TUBGCP4: variants seen among roughly 807,000 people sequenced by gnomAD.
TUBGCP4 encodes the protein gamma-tubulin complex component 4.
Under a neutral mutation model 91.6 loss-of-function variants are expected in TUBGCP4, and 54 were observed. That is an observed-to-expected ratio of 0.59 (90% CI 0.47 to 0.74). The LOEUF (loss-of-function observed/expected upper bound fraction) is 0.74, where lower values mean the gene tolerates loss of function less well. Ranked by LOEUF, TUBGCP4 falls within the 30% of genes least tolerant of loss-of-function variation. The pLI is 0.00. For missense variants in TUBGCP4, 593 were observed against 800.9 expected, an observed-to-expected ratio of 0.74 and a Z score of 3.13; for synonymous variants, 297 against 302.8, an observed-to-expected ratio of 0.98 and a Z score of 0.20.
At chr15:43,385,360 C>G (rs2044339390) in intron 7 of TUBGCP4, 1 of 456,200 alleles carries the variant, frequency 2.2e-6, no homozygotes. Flanking sequence ...ATCTGTTACA[C>G]TGATCAGTCA....
chr15:43,407,826 C>T lies in TUBGCP4; in HGVS notation c.*2612C>T. 2.7e-6 allele frequency: 3 copies of T among 1,110,942 alleles called. No individual in the cohort carries two copies. Among genetic ancestry groups the T allele is most frequent in the Non-Finnish European group, 2.6e-6 (2 of 780,042 alleles). 68.8% of individuals were successfully genotyped at this position (1,110,942 alleles called of 1,614,324 possible). On this transcript the variant is annotated 3_prime_UTR_variant, in exon 18 of 18. Transcript: ENST00000564079. ...CTCTTGAAGGTGGTACTTTTCTTCTCTAAGAAACATGGATACGGTCAACCT... is the reference window on the plus strand; with the variant it reads ...CTCTTGAAGGTGGTACTTTTCTTCTTTAAGAAACATGGATACGGTCAACCT...
intron 6 of TUBGCP4, among the ~76,000 whole-genome samples, chr15:43,383,050 C>T (rs1393148659): frequency 6.6e-6 from 1 of 152,026 alleles, no homozygotes; most frequent in East Asian, 1.9e-4. Context: ...TTGAAAATTA[C>T]ATAAAAGAAG....
chr15:43,386,262 C>G lies in TUBGCP4; in HGVS notation c.946C>G (p.Gln316Glu). The part of the protein sequence containing the change: ...TFAAELHRLK[Q>E]QPLFSLVDFE... ...TGCTGCAGAGCTGCACCGTCTCAAG[C>G]AGCAGCCACTCTTCAGCTTGGTGGA... Residue 316 changes from glutamine to glutamate, a missense_variant, in exon 9 of 18, where the codon CAG (glutamine) becomes GAG (glutamate). Transcript: ENST00000564079. 1 of 1,601,838 alleles carries G rather than the reference C, an allele frequency of 6.2e-7. No individual in the cohort carries two copies. The highest frequency in any genetic ancestry group is 8.5e-7 in the Non-Finnish European group (1 of 1,175,964).
rs2142800769 is a variant in TUBGCP4 at position 43,383,516 on chromosome 15, A to G, written c.723+12A>G. 6.3e-7 allele frequency: 1 copy of G among 1,586,140 alleles called. No individual in the cohort carries two copies. The highest frequency in any genetic ancestry group is 8.6e-7 in the Non-Finnish European group (1 of 1,167,788). On this transcript the variant is annotated intron_variant, in intron 7 of 17. Coordinates refer to ENST00000564079, the MANE Select transcript of TUBGCP4 (RefSeq NM_014444.5). ...AACTGCAGGACTTGGTGAGAGCCCA[A>G]AAAGTAGCCTAGCACTCTCCTGCCA...
In TUBGCP4 at chr15:43,371,108, G is replaced by T. The variant is rs2044109833; in HGVS notation, c.-247G>T. On this transcript the variant is annotated 5_prime_UTR_variant, in exon 1 of 18. Transcript: ENST00000564079. ...GGGCAGCGACCGCGACTCAGTCTCC[G>T]CAGAGCCCGGGCGGGAGTAGCTGGT... 3.4e-6 allele frequency: 2 copies of T among 580,168 alleles called. No homozygotes were observed. The highest frequency in any genetic ancestry group is 3.1e-6 in the Non-Finnish European group (1 of 322,548). The allele number at this position is 580,168 out of a possible 1,614,324, so 35.9% of individuals were successfully genotyped here. A position where few individuals can be genotyped will look rare whatever the true frequency, so the allele number is the denominator to read the frequency against.
At chr15:43,397,435 C>T in intron 12 of TUBGCP4, 114 bp downstream of exon 12, 1 of 797,050 alleles carries the variant, frequency 1.3e-6, no homozygotes, top group Non-Finnish European at 2.2e-6. Context: ...TAGAAATCAG[C>T]TAGTACAGTA....
rs759653418 is a variant in TUBGCP4, at chr15:43,407,905, C to T, written c.*2691C>T. ...CTAACACCTACAGGTCTAAGGAGAT[C>T]CCTGGAACAAAGACACTACACACAC... On this transcript the variant is annotated 3_prime_UTR_variant, in exon 18 of 18. Transcript: ENST00000564079. The T allele has an allele frequency of 1.3e-6, 2 of 1,590,390 alleles. No individual in the cohort carries two copies. The highest frequency in any genetic ancestry group is 2.2e-5 in the East Asian group (1 of 44,710).
chr15:43,376,876 A>G (rs1192559927), intron 3 of TUBGCP4, 138 bp from the exon 4 acceptor site: 5 of 896,238 alleles, frequency 5.6e-6, no homozygotes, highest in Non-Finnish European at 1.7e-6. Context: ...CAGGATTAAT[A>G]ACCTGATTAA....
chr15:43,401,634 T>C, intron 14 of TUBGCP4, 82 bp from the exon 15 acceptor site: 1 of 1,467,244 alleles, frequency 6.8e-7, no homozygotes, highest in South Asian at 1.3e-5. Context: ...CAAAGCATTT[T>C]CATTTCAATC....
intron 9 of TUBGCP4, among the ~76,000 whole-genome samples, chr15:43,389,186 TAAA>T (rs888932719): frequency 3.7e-4 from 57 of 152,356 alleles, no homozygotes; most frequent in African/African-American, 1.4e-3. Context: ...CAAAAGGTTT[TAAA>T]AATTCTGAGG....
chr15:43,409,146 C>T lies in TUBGCP4; in HGVS notation c.*3932C>T. On this transcript the variant is annotated 3_prime_UTR_variant, in exon 18 of 18. Coordinates refer to ENST00000564079, the MANE Select transcript of TUBGCP4 (RefSeq NM_014444.5). The stretch of plus-strand genomic sequence containing the variant: ...TGGGTTTGGTGACTTCTGTGGAAAG[C>T]TCCTAAGCAGCAGCCATAATGAGCC... 1.3e-6 allele frequency: 2 copies of T among 1,564,298 alleles called. No individual in the cohort carries two copies. Among genetic ancestry groups the T allele is most frequent in the Non-Finnish European group, 1.8e-6 (2 of 1,138,264 alleles).
At chr15:43,402,637 C>G (rs1266734193) in intron 15 of TUBGCP4, 3 of 152,182 alleles carry the variant, frequency 2.0e-5, no homozygotes. Context: ...TCAACTTTGG[C>G]TGCACATTGG....
In TUBGCP4 at chr15:43,406,678, C is replaced by A. The variant is rs187124120; in HGVS notation, c.*1464C>A. On this transcript the variant is annotated 3_prime_UTR_variant, in exon 18 of 18. Coordinates refer to ENST00000564079, the MANE Select transcript of TUBGCP4 (RefSeq NM_014444.5). ...AGTGATGCCAGAGGAAGGGAAGGAA[C>A]TGCTTCCAGCTATTGTGACAATAAT... 4.5e-6 allele frequency: 2 copies of A among 447,466 alleles called. No individual in the cohort carries two copies. The highest frequency in any genetic ancestry group is 5.0e-5 in the Admixed American group (2 of 40,120). The allele number at this position is 447,466 out of a possible 1,614,324, so 27.7% of individuals were successfully genotyped here. A position where few individuals can be genotyped will look rare whatever the true frequency, so the allele number is the denominator to read the frequency against.
intron 9 of TUBGCP4, among the ~76,000 whole-genome samples, chr15:43,392,277 A>G (rs1419168579): frequency 1.3e-5 from 2 of 151,720 alleles, no homozygotes; most frequent in Non-Finnish European, 1.5e-5. Flanking sequence ...AAAACTTTAC[A>G]TATTGTTTTG....
chr15:43,380,348 G>A (rs895517290), intron 6 of TUBGCP4, among the ~76,000 whole-genome samples, 185 bp downstream of exon 6: 3 of 152,216 alleles, frequency 2.0e-5, no homozygotes, highest in Non-Finnish European at 4.4e-5. Flanking sequence ...TTGCAAAAAG[G>A]GCTATAGAGT....
chr15:43,401,866 T>C lies in TUBGCP4; in HGVS notation c.1731+16T>C, dbSNP rs1283847214. On this transcript the variant is annotated intron_variant, in intron 15 of 17. Coordinates refer to ENST00000564079, the MANE Select transcript of TUBGCP4 (RefSeq NM_014444.5). ...ATTGAAACCTGTAAGTAAGGCTCAT[T>C]GGTTTCCTCAGACTGCTTCTACCAC... 6.2e-7 allele frequency: 1 copy of C among 1,613,738 alleles called. No homozygotes were observed. Among genetic ancestry groups the C allele is most frequent in the Non-Finnish European group, 8.5e-7 (1 of 1,179,812 alleles).
chr15:43,406,312 C>T lies in TUBGCP4; in HGVS notation c.*1098C>T, dbSNP rs1330195969. ...GTGTTCTGGCATCAGGTTATAGTCA[C>T]TGCATCTGGTTTTCATCACTACATA... is the stretch of plus-strand genomic sequence containing the variant. On this transcript the variant is annotated 3_prime_UTR_variant, in exon 18 of 18. Transcript: ENST00000564079. 3.9e-6 allele frequency: 1 copy of T among 253,450 alleles called. No individual in the cohort carries two copies. The highest frequency in any genetic ancestry group is 7.9e-6 in the Non-Finnish European group (1 of 126,838). The allele number at this position is 253,450 out of a possible 1,614,324, so 15.7% of individuals were successfully genotyped here.
chr15:43,409,724 G>C lies in TUBGCP4; in HGVS notation c.*4510G>C. On this transcript the variant is annotated 3_prime_UTR_variant, in exon 18 of 18. Coordinates refer to ENST00000564079, the MANE Select transcript of TUBGCP4 (RefSeq NM_014444.5). ...GATTCTGTATACTGCTTGTTGAAAG[G>C]AGGAATTTCCAAAAATTCTATATTA... 1 of 1,544,312 alleles carries C rather than the reference G, an allele frequency of 6.5e-7. No individual in the cohort carries two copies. Among genetic ancestry groups the C allele is most frequent in the South Asian group, 1.2e-5 (1 of 80,442 alleles).
At position 43,409,748 on chromosome 15, in the gene TUBGCP4, TAAA is replaced by T; in HGVS notation, c.*4543_*4545del. The T allele has an allele frequency of 4.1e-6, 5 of 1,223,366 alleles. No homozygotes were observed. The highest frequency in any genetic ancestry group is 1.6e-5 in the African/African-American group (1 of 62,888). 75.8% of individuals were successfully genotyped at this position (1,223,366 alleles called of 1,614,324 possible). On this transcript the variant is annotated 3_prime_UTR_variant, in exon 18 of 18. Transcript: ENST00000564079. Reference sequence around the variant, plus strand: ...GGAGGAATTTCCAAAAATTCTATATTAAAAAAAAAAACCAAGATAATAATTACT... The same window carrying T: ...GGAGGAATTTCCAAAAATTCTATATTAAAAAAAACCAAGATAATAATTACT...
Sources: gnomAD v4.1 joint callset for allele counts (sites outside exome capture counted in the v4.1 genomes callset) on GRCh38, gnomAD v4.1.1 for gene constraint, MANE v1.5 for transcripts, NCBI Gene and HGNC (gene_info 2026-07-23, HGNC 2026-07-21) for gene names.